SMIM13: variants seen among roughly 807,000 people sequenced by gnomAD.
The protein encoded by SMIM13 is UPF0766 protein C6orf228.
In SMIM13, 3 loss-of-function variants were observed where a neutral mutation model predicts 5.9. That is an observed-to-expected ratio of 0.51 (90% CI 0.23 to 1.31). The LOEUF is 1.31. Among genes scored for constraint, SMIM13 ranks in the 40% most tolerant of loss-of-function variants. The pLI, the probability that SMIM13 is intolerant of heterozygous loss-of-function variation, is 0.18. For missense variants in SMIM13, 85 were observed against 109.9 expected (o/e 0.77, Z 1.01); for synonymous variants, 55 against 46.0 (o/e 1.19, Z -0.79).
chr6:11,126,388 A>G (rs967837864), intron 1 of SMIM13, among the ~76,000 whole-genome samples: 2 of 152,084 alleles, frequency 1.3e-5, no homozygotes, highest in Non-Finnish European at 2.9e-5. Flanking sequence ...CAAGGTCACT[A>G]ATTTTCTTTT....
chr6:11,116,982 C>CTTTTTTTTTTTTTTTTTTTTTT (rs68092921), intron 1 of SMIM13, among the ~76,000 whole-genome samples: 2 of 46,446 alleles, frequency 4.3e-5, no homozygotes, highest in Non-Finnish European at 7.8e-5. Context: ...ATAATTGTTT[C>CTTTTTTTTTTTTTTTTTTTTTT]TTTTTTTTTT....
chr6:11,118,384 A>G (rs1758268222), intron 1 of SMIM13, among the ~76,000 whole-genome samples: 1 of 152,196 alleles, frequency 6.6e-6, no homozygotes, highest in African/African-American at 2.4e-5. Flanking sequence ...TAATGAATCA[A>G]TTGGTCAAAT....
intron 1 of SMIM13, among the ~76,000 whole-genome samples, chr6:11,097,142 C>T (rs1581908225): frequency 6.6e-6 from 1 of 152,108 alleles, no homozygotes; most frequent in Non-Finnish European, 1.5e-5. Flanking sequence ...CCCAGCCAAA[C>T]GCATTTATTT....
At chr6:11,115,034 G>A (rs1341943260) in intron 1 of SMIM13, among the ~76,000 whole-genome samples, 1 of 152,056 alleles carries the variant, frequency 6.6e-6, no homozygotes, top group African/African-American at 2.4e-5. Flanking sequence ...AATTAATTTA[G>A]TAAACATTTA....
At chr6:11,113,908 T>G (rs778508477) in intron 1 of SMIM13, among the ~76,000 whole-genome samples, 32 of 151,764 alleles carry the variant, frequency 2.1e-4, no homozygotes, top group Admixed American at 1.2e-3. Context: ...ATTTGTTTTG[T>G]GTTGTTATTG....
intron 1 of SMIM13, among the ~76,000 whole-genome samples, chr6:11,117,556 G>C (rs1185731132): frequency 1.3e-5 from 2 of 151,958 alleles, no homozygotes; most frequent in African/African-American, 2.4e-5. Flanking sequence ...TTTCACTTGT[G>C]ATTTCTCCCT....
Position 11,094,297 on chromosome 6 carries a change from G to C in SMIM13, c.-17G>C. ...CCGCGCCAGCCGCCCCGAGCCGACTGCCCTTCTGCCCCCAAGATGTGGCAC... is the reference window on the plus strand; with the variant it reads ...CCGCGCCAGCCGCCCCGAGCCGACTCCCCTTCTGCCCCCAAGATGTGGCAC... On this transcript the variant is annotated 5_prime_UTR_variant, in exon 1 of 2. Transcript: ENST00000416247. 1 of 1,441,436 alleles carries C rather than the reference G, an allele frequency of 6.9e-7. No homozygotes were observed. Among genetic ancestry groups the C allele is most frequent in the Non-Finnish European group, 9.2e-7 (1 of 1,090,102 alleles). 89.3% of individuals were successfully genotyped at this position (1,441,436 alleles called of 1,614,324 possible).
chr6:11,095,598 C>G (rs533093154), intron 1 of SMIM13, among the ~76,000 whole-genome samples: 8 of 152,154 alleles, frequency 5.3e-5, no homozygotes, highest in African/African-American at 1.9e-4. Context: ...GTGATCTACC[C>G]GCCTTGGCCT....
chr6:11,101,032 C>CTTTTTTTTTT (rs200622017), intron 1 of SMIM13, among the ~76,000 whole-genome samples: 3 of 127,504 alleles, frequency 2.4e-5, no homozygotes, highest in Non-Finnish European at 1.7e-5. Context: ...TCTCCATTTT[C>CTTTTTTTTTT]TTTTTTTTTT....
At chr6:11,104,050 C>G (rs1436112524) in intron 1 of SMIM13, 1 of 1,551,628 alleles carries the variant, frequency 6.4e-7, no homozygotes, top group Non-Finnish European at 8.7e-7. Flanking sequence ...GTTAACATGT[C>G]TAGTCCTCGA....
At chr6:11,113,972 T>TTC (rs1758202942) in intron 1 of SMIM13, among the ~76,000 whole-genome samples, 1 of 145,986 alleles carries the variant, frequency 6.8e-6, no homozygotes, top group South Asian at 2.1e-4. Context: ...AAGTTATTCT[T>TTC]TTTGTTTTTT....
chr6:11,124,792 A>T (rs1437492440), intron 1 of SMIM13, among the ~76,000 whole-genome samples: 1 of 151,990 alleles, frequency 6.6e-6, no homozygotes, highest in Non-Finnish European at 1.5e-5. Flanking sequence ...CTTTTTATAT[A>T]CCTTCAGGTG....
At chr6:11,103,728 C>T (rs1430955726) in intron 1 of SMIM13, 5 of 1,551,432 alleles carry the variant, frequency 3.2e-6, no homozygotes, top group South Asian at 1.2e-5. Flanking sequence ...GCGAGGATGG[C>T]GTCCTGCACT....
intron 1 of SMIM13, among the ~76,000 whole-genome samples, chr6:11,107,995 A>G (rs1758112274): frequency 6.6e-6 from 1 of 152,190 alleles, no homozygotes; most frequent in Admixed American, 6.5e-5. Context: ...AAGGTCTGTG[A>G]ACAGTTCATC....
intron 1 of SMIM13, among the ~76,000 whole-genome samples, chr6:11,101,573 GGGCCGATTGATT>G (rs1195440040): frequency 2.0e-5 from 3 of 152,058 alleles, no homozygotes; most frequent in African/African-American, 7.2e-5. Context: ...GTTTTGGAGT[GGGCCGATTGATT>G]GGTCAAAGAG....
intron 1 of SMIM13, among the ~76,000 whole-genome samples, chr6:11,123,856 T>C (rs1487994454): frequency 1.3e-5 from 2 of 152,220 alleles, no homozygotes; most frequent in Non-Finnish European, 2.9e-5. Flanking sequence ...ATACAATACA[T>C]TATTGTATGT....
intron 1 of SMIM13, among the ~76,000 whole-genome samples, chr6:11,112,796 A>C (rs546423804): frequency 6.6e-6 from 1 of 151,914 alleles, no homozygotes; most frequent in South Asian, 2.1e-4. Flanking sequence ...GGCTGTTAGT[A>C]TTATTATTGT....
At chr6:11,104,469 G>A (rs1273400743) in intron 1 of SMIM13, 1 of 1,552,452 alleles carries the variant, frequency 6.4e-7, no homozygotes, top group East Asian at 2.4e-5. Context: ...AAATAAGGGG[G>A]TGAGGGAGGT....
Position 11,134,661 on chromosome 6 carries a change from C to A in SMIM13, c.*59C>A. ...CAGCTTCTGTCTTTTACTGACTTCG[C>A]TTTGAAATTTACTAATGACTGAAGA... On this transcript the variant is annotated 3_prime_UTR_variant, in exon 2 of 2. Transcript: ENST00000416247. 2 of 1,258,248 alleles carry A rather than the reference C, an allele frequency of 1.6e-6. No individual in the cohort carries two copies. Among genetic ancestry groups the A allele is most frequent in the Non-Finnish European group, 1.0e-6 (1 of 959,028 alleles). 77.9% of individuals were successfully genotyped at this position (1,258,248 alleles called of 1,614,324 possible).
Sources: gnomAD v4.1 joint callset for allele counts (sites outside exome capture counted in the v4.1 genomes callset) on GRCh38, gnomAD v4.1.1 for gene constraint, MANE v1.5 for transcripts, NCBI Gene and HGNC (gene_info 2026-07-23, HGNC 2026-07-21) for gene names.